PDE4D: variants seen among roughly 807,000 people sequenced by gnomAD.
The protein encoded by PDE4D is phosphodiesterase 4D.
Under a neutral mutation model 87.4 loss-of-function variants are expected in PDE4D, and 24 were observed. That is an observed-to-expected ratio of 0.27 (90% CI 0.20 to 0.39). The LOEUF is 0.39. Ranked by LOEUF, PDE4D falls within the 10% of genes least tolerant of loss-of-function variation. The pLI is 1.00. For synonymous variants in PDE4D, 384 were observed against 383.2 expected (o/e 1.00, Z -0.02); for missense variants, 714 against 1,041.0 (o/e 0.69, Z 4.32).
intron 1 of PDE4D, among the ~76,000 whole-genome samples, chr5:60,469,254 A>C (rs1298415727): frequency 1.3e-5 from 2 of 152,040 alleles, no homozygotes; most frequent in Non-Finnish European, 2.9e-5. Context: ...AGTCCTTCTT[A>C]AGCCCTTACT....
chr5:60,182,212 T>C (rs1279949363), intron 2 of PDE4D, among the ~76,000 whole-genome samples: 1 of 152,240 alleles, frequency 6.6e-6, no homozygotes, highest in Non-Finnish European at 1.5e-5. Context: ...CTTCTAGGTC[T>C]ATGAAGTGAT....
intron 1 of PDE4D, among the ~76,000 whole-genome samples, chr5:59,551,990 C>A (rs933882017): frequency 1.3e-5 from 2 of 152,088 alleles, no homozygotes; most frequent in Non-Finnish European, 2.9e-5. Flanking sequence ...TCAACACAGG[C>A]GGATTGCTTG....
At chr5:59,704,907 T>C (rs1753166026) in intron 1 of PDE4D, among the ~76,000 whole-genome samples, 1 of 152,228 alleles carries the variant, frequency 6.6e-6, no homozygotes, top group South Asian at 2.1e-4. Context: ...TGTGTTTCCA[T>C]CAGGTTTATT....
chr5:59,385,560 C>A (rs428059), intron 1 of PDE4D, among the ~76,000 whole-genome samples: 57,420 of 151,938 alleles, frequency 0.38, 12,251 homozygotes, highest in African/African-American at 0.59. Flanking sequence ...GATGCTGACT[C>A]TTCTGGATGT....
Position 59,189,232 on chromosome 5 carries a change from G to GTT in PDE4D, c.685-3972_685-3971dup, listed in dbSNP as rs34203891. 6.0e-3 allele frequency among the ~76,000 whole-genome samples: 602 copies of GTT among 99,900 alleles called. 13 individuals carry two copies. The highest frequency in any genetic ancestry group is 0.017 in the African/African-American group (505 of 29,358). 65.5% of individuals were successfully genotyped at this position (99,900 alleles called of 152,430 possible). A position where few individuals can be genotyped will look rare whatever the true frequency, so the allele number is the denominator to read the frequency against. On this transcript the variant is annotated intron_variant, in intron 3 of 14. Coordinates refer to ENST00000340635, the MANE Select transcript of PDE4D (RefSeq NM_001104631.2). ...AAAGAGATGTAGTTGTTCCTACCCC[G>GTT]TTTTTTTTTTTGTTTTTTTTGTTTT...
chr5:59,204,568 C>A (rs1295703309), intron 2 of PDE4D, among the ~76,000 whole-genome samples: 1 of 152,152 alleles, frequency 6.6e-6, no homozygotes, highest in Admixed American at 6.5e-5. Context: ...AAAACCAATA[C>A]AATAGAGAGA....
At chr5:59,007,446 TG>T (rs33923129) in intron 6 of PDE4D, among the ~76,000 whole-genome samples, 15,329 of 152,206 alleles carry the variant, frequency 0.1, 1,025 homozygotes, top group Non-Finnish European at 0.13. Flanking sequence ...AGAAAACTAG[TG>T]TTTCTCAGCC....
At chr5:59,505,808 T>C (rs551527649) in intron 1 of PDE4D, among the ~76,000 whole-genome samples, 1 of 152,290 alleles carries the variant, frequency 6.6e-6, no homozygotes, top group South Asian at 2.1e-4. Flanking sequence ...GAATGTCTAA[T>C]AGGCCTTTAT....
chr5:60,480,594 A>C (rs930203444), intron 1 of PDE4D, among the ~76,000 whole-genome samples: 2 of 152,124 alleles, frequency 1.3e-5, no homozygotes, highest in Non-Finnish European at 2.9e-5. Flanking sequence ...GGTTGATGCA[A>C]AAGTAATTGC....
intron 1 of PDE4D, among the ~76,000 whole-genome samples, chr5:60,296,926 C>T (rs1198051422): frequency 6.6e-6 from 1 of 152,026 alleles, no homozygotes; most frequent in Non-Finnish European, 1.5e-5. Flanking sequence ...GAACATCACA[C>T]ACCAGGGCCT....
intron 2 of PDE4D, among the ~76,000 whole-genome samples, chr5:60,055,069 A>C (rs1459839997): frequency 6.6e-6 from 1 of 152,138 alleles, no homozygotes; most frequent in African/African-American, 2.4e-5. Context: ...TGGCATCAAT[A>C]AACACTGCCT....
At chr5:60,391,257 C>T (rs1037359552) in intron 1 of PDE4D, among the ~76,000 whole-genome samples, 16 of 152,168 alleles carry the variant, frequency 1.1e-4, no homozygotes, top group African/African-American at 3.9e-4. Context: ...ATGGTGATCA[C>T]AGGGGGCTCC....
intron 5 of PDE4D, among the ~76,000 whole-genome samples, chr5:59,141,325 A>G (rs1345251165): frequency 6.6e-6 from 1 of 152,218 alleles, no homozygotes; most frequent in Non-Finnish European, 1.5e-5. Flanking sequence ...TTACAACTGA[A>G]ACCATCTTAC....
intron 1 of PDE4D, among the ~76,000 whole-genome samples, chr5:60,303,071 C>G (rs997487336): frequency 6.6e-6 from 1 of 152,092 alleles, no homozygotes; most frequent in Middle Eastern, 3.2e-3. Flanking sequence ...TCAAATGATC[C>G]GCTCACCTAG....
intron 2 of PDE4D, among the ~76,000 whole-genome samples, chr5:60,068,776 A>AT: frequency 6.6e-6 from 1 of 151,926 alleles, no homozygotes; most frequent in Non-Finnish European, 1.5e-5. Context: ...TTTTTCTTTA[A>AT]TTTTTTGTAG....
intron 1 of PDE4D, among the ~76,000 whole-genome samples, chr5:59,612,467 T>G (rs896840484): frequency 1.3e-5 from 2 of 152,182 alleles, no homozygotes; most frequent in South Asian, 2.1e-4. Context: ...CAACAAATTT[T>G]TATTGACTGC....
At chr5:60,510,694 C>T (rs924666374) in intron 1 of PDE4D, among the ~76,000 whole-genome samples, 6 of 152,152 alleles carry the variant, frequency 3.9e-5, no homozygotes, top group Non-Finnish European at 7.3e-5. Context: ...CCACAGACAA[C>T]AGCTGTCTAT....
intron 1 of PDE4D, among the ~76,000 whole-genome samples, chr5:60,290,026 T>C (rs555595526): frequency 6.6e-6 from 1 of 152,212 alleles, no homozygotes; most frequent in South Asian, 2.1e-4. Flanking sequence ...TTTCTAGATA[T>C]GTCAAGATAT....
At chr5:59,081,531 GA>G (rs1766777659) in intron 5 of PDE4D, among the ~76,000 whole-genome samples, 1 of 74,806 alleles carries the variant, frequency 1.3e-5, no homozygotes, top group Admixed American at 1.4e-4. Context: ...AAAAAAAAAA[GA>G]AAAAAAGTGG....
Sources: allele counts gnomAD v4.1 joint callset (sites outside exome capture counted in the v4.1 genomes callset), GRCh38; gene constraint gnomAD v4.1.1; transcripts MANE v1.5; gene names NCBI Gene and HGNC (gene_info 2026-07-23, HGNC 2026-07-21).